Variants in NAA25 observed in about 807,000 individuals in gnomAD.
The protein encoded by NAA25 is N-terminal acetyltransferase B complex subunit NAA25.
A neutral mutation model predicts 132.5 loss-of-function variants in NAA25; 30 were observed. The observed-to-expected ratio is 0.23, with a 90% CI of 0.17 to 0.31. The LOEUF is 0.31. NAA25 is among the 10% of genes least tolerant of loss of function. The pLI is 1.00. For synonymous variants in NAA25, 359 were observed against 401.9 expected (o/e 0.89, Z 1.28); for missense variants, 771 against 1,150.4 (o/e 0.67, Z 4.77).
At chr12:112,085,477 T>A (rs1178980536) in intron 4 of NAA25, among the ~76,000 whole-genome samples, 1 of 152,164 alleles carries the variant, frequency 6.6e-6, no homozygotes, top group African/African-American at 2.4e-5. Flanking sequence ...AAGGTCATTT[T>A]ACAACCTGCT....
chr12:112,049,963 G>A lies in NAA25; in HGVS notation c.1729-1520C>T, dbSNP rs1291402969. On this transcript the variant is annotated intron_variant, in intron 15 of 23. Coordinates refer to ENST00000261745, the MANE Select transcript of NAA25 (RefSeq NM_024953.4). This position sits in a 1 kb window ranked among gnomAD's most constrained non-coding sequence, Gnocchi z 4.7. Reference sequence around the variant, plus strand: ...AGTTATAATTACAGTTCCAAAGTATGCTATGATTTAAGGAGGGAACCCAGC... The same window carrying A: ...AGTTATAATTACAGTTCCAAAGTATACTATGATTTAAGGAGGGAACCCAGC... Among the ~76,000 whole-genome samples, 1 of 151,180 alleles carries A rather than the reference G, an allele frequency of 6.6e-6. No individual in the cohort carries two copies. Among genetic ancestry groups the A allele is most frequent in the African/African-American group, 2.4e-5 (1 of 41,088 alleles).
At chr12:112,043,347 G>T in intron 18 of NAA25, 136 bp from the exon 19 acceptor site, 1 of 926,582 alleles carries the variant, frequency 1.1e-6, no homozygotes, top group Non-Finnish European at 1.6e-6. Context: ...ACTAATAACT[G>T]AATCATTACA....
intron 4 of NAA25, among the ~76,000 whole-genome samples, chr12:112,082,612 T>C (rs549154662): frequency 6.6e-6 from 1 of 152,122 alleles, no homozygotes; most frequent in East Asian, 1.9e-4. Context: ...TAAAAATAAA[T>C]GTCCTATATA....
chr12:112,066,170 C>T (rs2078715555), intron 11 of NAA25, among the ~76,000 whole-genome samples: 1 of 152,188 alleles, frequency 6.6e-6, no homozygotes, highest in Non-Finnish European at 1.5e-5. Context: ...GAAAAGGTTA[C>T]TGGTACTAGA....
chr12:112,031,087 C>A (rs1207228607), intron 23 of NAA25, among the ~76,000 whole-genome samples: 3 of 152,040 alleles, frequency 2.0e-5, no homozygotes, highest in Admixed American at 6.6e-5. Flanking sequence ...GCCGAGTTTA[C>A]ATTTTTTAAA....
At chr12:112,059,956 C>T (rs552321339) in intron 13 of NAA25, among the ~76,000 whole-genome samples, 1 of 151,890 alleles carries the variant, frequency 6.6e-6, no homozygotes, top group Non-Finnish European at 1.5e-5. Context: ...TACAGGCATG[C>T]GCCCAAATGC....
chr12:112,075,153 GC>G (rs1179566496), intron 8 of NAA25, among the ~76,000 whole-genome samples: 3 of 151,498 alleles, frequency 2.0e-5, no homozygotes, highest in Non-Finnish European at 4.4e-5. Flanking sequence ...TCATTCTTAA[GC>G]CCTAACTAGA....
chr12:112,074,859 AT>A (rs2136894792), intron 8 of NAA25, 95 bp from the exon 9 acceptor site: 1 of 870,090 alleles, frequency 1.1e-6, no homozygotes, highest in Non-Finnish European at 1.8e-6. Context: ...TGTAAGTTAT[AT>A]TTTAGTATGT....
At chr12:112,101,360 A>T (rs1037544645) in intron 1 of NAA25, among the ~76,000 whole-genome samples, 1 of 152,180 alleles carries the variant, frequency 6.6e-6, no homozygotes, top group African/African-American at 2.4e-5. Context: ...TGTGCCTAAC[A>T]CATATCAGGC....
At chr12:112,106,220 CTTG>C (rs1297404850) in intron 1 of NAA25, among the ~76,000 whole-genome samples, 1 of 152,150 alleles carries the variant, frequency 6.6e-6, no homozygotes, top group South Asian at 2.1e-4. Context: ...GAGAATATAA[CTTG>C]TTAATATATC....
chr12:112,048,951 T>G (rs1375128072), intron 15 of NAA25, among the ~76,000 whole-genome samples: 1 of 151,656 alleles, frequency 6.6e-6, no homozygotes, highest in Non-Finnish European at 1.5e-5. Flanking sequence ...GAATACTGTA[T>G]TAGAAACACA....
Position 112,074,856 on chromosome 12 carries a change from T to C in NAA25, c.777-92A>G, listed in dbSNP as rs2078872975. Reference sequence around the variant, plus strand: ...ATGATATTCAATTTATTTTGTAAGTTATATTTTAGTATGTAGTAGGTTGGC... The same window carrying C: ...ATGATATTCAATTTATTTTGTAAGTCATATTTTAGTATGTAGTAGGTTGGC... On this transcript the variant is annotated intron_variant, in intron 8 of 23. Coordinates refer to ENST00000261745, the MANE Select transcript of NAA25 (RefSeq NM_024953.4). The C allele has an allele frequency of 5.8e-6, 5 of 867,256 alleles. No homozygotes were observed. In the Admixed American group the frequency reaches 1.2e-4, roughly 20 times the overall value. The allele number at this position is 867,256 out of a possible 1,614,324, so 53.7% of individuals were successfully genotyped here.
At chr12:112,100,893 C>G (rs2079286127) in intron 1 of NAA25, among the ~76,000 whole-genome samples, 1 of 152,212 alleles carries the variant, frequency 6.6e-6, no homozygotes. Flanking sequence ...GCTGGGATTA[C>G]AGGCGTGAGC....
rs746567947 is a variant in NAA25 at position 112,074,627 on chromosome 12, C to T, written c.866+48G>A. 2.6e-5 allele frequency: 29 copies of T among 1,118,670 alleles called. No individual in the cohort carries two copies. In the Middle Eastern group the frequency reaches 5.9e-4, roughly 23 times the overall value. 69.3% of individuals were successfully genotyped at this position (1,118,670 alleles called of 1,614,324 possible). On this transcript the variant is annotated intron_variant, in intron 9 of 23. Transcript: ENST00000261745. ...GGCTTATAATGAAATCCTTTCACTA[C>T]ACTATATTAAAAAGTGCTGTTATAA...
intron 15 of NAA25, among the ~76,000 whole-genome samples, chr12:112,052,282 A>G (rs2078479095): frequency 6.6e-6 from 1 of 152,096 alleles, no homozygotes; most frequent in Non-Finnish European, 1.5e-5. Flanking sequence ...TGACCTTCTG[A>G]CCTCTAAGCC....
intron 8 of NAA25, among the ~76,000 whole-genome samples, chr12:112,075,284 G>A (rs1344642036): frequency 1.3e-5 from 2 of 151,856 alleles, no homozygotes; most frequent in Non-Finnish European, 2.9e-5. Context: ...TGCCTCCCAG[G>A]TTCAAGCGAT....
chr12:112,086,867 C>A (rs2079065417), intron 4 of NAA25, among the ~76,000 whole-genome samples: 1 of 147,680 alleles, frequency 6.8e-6, no homozygotes, highest in African/African-American at 2.5e-5. Context: ...CAAAATTAGC[C>A]AGGAGTGGTG....
chr12:112,044,929 T>A (rs1359863077), intron 17 of NAA25, among the ~76,000 whole-genome samples: 2 of 150,852 alleles, frequency 1.3e-5, no homozygotes, highest in Non-Finnish European at 2.9e-5. Context: ...GGCACACACC[T>A]GTAGTCCCAG....
At chr12:112,072,131 G>T in intron 9 of NAA25, 67 bp from the exon 10 acceptor site, 1 of 1,193,102 alleles carries the variant, frequency 8.4e-7, no homozygotes, top group Non-Finnish European at 1.1e-6. Context: ...TTAAAGTCAA[G>T]CCAAACTCAT....
Sources: allele counts gnomAD v4.1 joint callset (sites outside exome capture counted in the v4.1 genomes callset), GRCh38; gene constraint gnomAD v4.1.1; non-coding constraint Gnocchi (gnomAD v3.1); transcripts MANE v1.5; gene names NCBI Gene and HGNC (gene_info 2026-07-23, HGNC 2026-07-21).